Variants in NDUFB6 observed in about 807,000 individuals in gnomAD.
The protein encoded by NDUFB6 is NADH:ubiquinone oxidoreductase subunit B6, also known as NADH dehydrogenase [ubiquinone] 1 beta subcomplex subunit 6.
In NDUFB6, 23 loss-of-function variants were observed where a neutral mutation model predicts 17.5. The ratio of observed to expected loss-of-function variants is 1.31; its 90% CI spans 0.94 to 1.86. The LOEUF is 1.86. NDUFB6 is among the 40% of genes most tolerant of loss of function. NDUFB6 has a pLI of 0.00. For missense variants in NDUFB6, 167 were observed against 153.8 expected, an observed-to-expected ratio of 1.09 and a Z score of -0.46; for synonymous variants, 60 against 53.5, an observed-to-expected ratio of 1.12 and a Z score of -0.53.
chr9:32,566,176 C>T (rs1821783160), intron 2 of NDUFB6: 1 of 728,142 alleles, frequency 1.4e-6, no homozygotes, highest in African/African-American at 1.8e-5. Context: ...AGGCCACTTC[C>T]TCTTCAACCT....
At chr9:32,569,217 G>GT (rs1185947338) in intron 2 of NDUFB6, among the ~76,000 whole-genome samples, 1 of 151,786 alleles carries the variant, frequency 6.6e-6, no homozygotes, top group East Asian at 1.9e-4. Context: ...TGAAGTTTTT[G>GT]TTTTTTTCTT....
chr9:32,562,129 G>C (rs762669317), intron 2 of NDUFB6, among the ~76,000 whole-genome samples: 1 of 152,036 alleles, frequency 6.6e-6, no homozygotes, highest in Non-Finnish European at 1.5e-5. Flanking sequence ...AGGTACATAC[G>C]GCCACGTTCA....
chr9:32,566,135 T>C (rs1821781239), intron 2 of NDUFB6: 1 of 609,380 alleles, frequency 1.6e-6, no homozygotes, highest in Non-Finnish European at 3.0e-6. Context: ...GACGAGAATA[T>C]GGTGTGTATA....
chr9:32,565,849 G>C (rs1023581138), intron 2 of NDUFB6, among the ~76,000 whole-genome samples: 2 of 152,206 alleles, frequency 1.3e-5, no homozygotes, highest in African/African-American at 4.8e-5. Flanking sequence ...GCACATACCT[G>C]TAATCCTAGC....
At chr9:32,564,784 T>G (rs932321787) in intron 2 of NDUFB6, among the ~76,000 whole-genome samples, 9 of 152,204 alleles carry the variant, frequency 5.9e-5, no homozygotes, top group Non-Finnish European at 5.9e-5. Flanking sequence ...GCCAGTGCAC[T>G]GAACAGCTTC....
At chr9:32,572,080 G>A (rs1821951616) in intron 1 of NDUFB6, among the ~76,000 whole-genome samples, 1 of 152,132 alleles carries the variant, frequency 6.6e-6, no homozygotes, top group African/African-American at 2.4e-5. Context: ...TACCTTACAG[G>A]AATAAAGAAA....
chr9:32,567,383 C>A (rs1563997245), intron 2 of NDUFB6: 1 of 465,970 alleles, frequency 2.1e-6, no homozygotes, highest in Non-Finnish European at 4.4e-6. Flanking sequence ...GTCACCCAGG[C>A]AGTGGTGCGA....
chr9:32,564,114 T>G (rs1308133801), intron 2 of NDUFB6, among the ~76,000 whole-genome samples: 1 of 152,218 alleles, frequency 6.6e-6, no homozygotes. Flanking sequence ...TGGACATAGC[T>G]AGAGAATATG....
chr9:32,564,443 C>T (rs1306798073), intron 2 of NDUFB6, among the ~76,000 whole-genome samples: 2 of 151,904 alleles, frequency 1.3e-5, no homozygotes, highest in Admixed American at 1.3e-4. Context: ...TGCCATTTTT[C>T]TTTTTTCTGA....
intron 2 of NDUFB6, among the ~76,000 whole-genome samples, chr9:32,563,073 A>G (rs867336516): frequency 4.6e-5 from 7 of 152,326 alleles, no homozygotes; most frequent in Middle Eastern, 3.4e-3. Context: ...CTGTTTCCTC[A>G]TATGAATTTA....
intron 2 of NDUFB6, chr9:32,568,068 T>A (rs2119032298): frequency 6.0e-6 from 1 of 166,914 alleles, no homozygotes; most frequent in South Asian, 2.1e-4. Context: ...AAAAAAAAGA[T>A]AGTGATTCCT....
At chr9:32,556,311 G>C (rs1175659112) in intron 3 of NDUFB6, among the ~76,000 whole-genome samples, 1 of 152,204 alleles carries the variant, frequency 6.6e-6, no homozygotes, top group Admixed American at 6.5e-5. Flanking sequence ...GAGCAGAAGT[G>C]ATGTAAGCTA....
chr9:32,563,254 G>A (rs1821678207), intron 2 of NDUFB6, among the ~76,000 whole-genome samples: 1 of 152,084 alleles, frequency 6.6e-6, no homozygotes. Flanking sequence ...CTACTACAAA[G>A]ATACTCTTTC....
At chr9:32,555,443 T>G (rs1409341312) in intron 3 of NDUFB6, among the ~76,000 whole-genome samples, 1 of 152,156 alleles carries the variant, frequency 6.6e-6, no homozygotes, top group African/African-American at 2.4e-5. Flanking sequence ...GGCCTCCACA[T>G]AGCTGCCACA....
intron 1 of NDUFB6, among the ~76,000 whole-genome samples, chr9:32,572,395 C>T (rs1821957063): frequency 6.6e-6 from 1 of 152,096 alleles, no homozygotes; most frequent in African/African-American, 2.4e-5. Context: ...ACAAGGCATA[C>T]CAACAGGACC....
In NDUFB6 at chr9:32,553,721, A is replaced by G. The variant is rs541895088; in HGVS notation, c.*155T>C. ...GCATGTCCACTTTTTACTTATTGTT[A>G]AATTACTCAGTCTCAAATTGTACAA... On this transcript the variant is annotated 3_prime_UTR_variant, in exon 4 of 4. Transcript: ENST00000379847. The G allele has an allele frequency of 2.7e-5, 16 of 587,832 alleles. No individual in the cohort carries two copies. In the African/African-American group the frequency reaches 3.0e-4, roughly 11 times the overall value. 36.4% of individuals were successfully genotyped at this position (587,832 alleles called of 1,614,324 possible).
intron 2 of NDUFB6, among the ~76,000 whole-genome samples, chr9:32,565,020 C>T (rs1821740772): frequency 1.3e-5 from 2 of 152,226 alleles, no homozygotes; most frequent in Middle Eastern, 6.8e-3. Flanking sequence ...AGGCCAGGTG[C>T]GGTGGCTCAC....
intron 3 of NDUFB6, among the ~76,000 whole-genome samples, chr9:32,558,113 A>G (rs1821520000): frequency 1.1e-5 from 1 of 93,442 alleles, no homozygotes; most frequent in Non-Finnish European, 2.6e-5. Context: ...CATTCATAGT[A>G]TACATTTTTT....
intron 2 of NDUFB6, among the ~76,000 whole-genome samples, chr9:32,560,240 C>T (rs577009488): frequency 6.6e-6 from 1 of 152,290 alleles, no homozygotes; most frequent in African/African-American, 2.4e-5. Flanking sequence ...GGGACCTCTA[C>T]TGACACAAAA....
Sources: allele counts gnomAD v4.1 joint callset (sites outside exome capture counted in the v4.1 genomes callset), GRCh38; gene constraint gnomAD v4.1.1; transcripts MANE v1.5; gene names NCBI Gene and HGNC (gene_info 2026-07-23, HGNC 2026-07-21).